AGBL4: variants seen among roughly 807,000 people sequenced by gnomAD.
AGBL4 encodes AGBL carboxypeptidase 4.
A neutral mutation model predicts 66.4 loss-of-function variants in AGBL4; 58 were observed. The observed-to-expected ratio is 0.87, with a 90% confidence interval of 0.71 to 1.09. The LOEUF is 1.09. Among genes scored for constraint, AGBL4 ranks in the 50% least tolerant of loss-of-function variants. The probability of loss-of-function intolerance (pLI) is 0.00; values close to 1 mark genes in which losing one functional copy is unlikely to be tolerated. For missense variants in AGBL4, 579 were observed against 631.0 expected (o/e 0.92, Z 0.88); for synonymous variants, 234 against 222.9 (o/e 1.05, Z -0.44).
chr1:48,561,952 T>G (rs1472424621), intron 11 of AGBL4, among the ~76,000 whole-genome samples: 2 of 152,184 alleles, frequency 1.3e-5, no homozygotes, highest in Non-Finnish European at 2.9e-5. Context: ...ATATAATCTC[T>G]TTACATATAT....
chr1:49,334,412 C>A (rs898116845), intron 3 of AGBL4, among the ~76,000 whole-genome samples: 1 of 152,130 alleles, frequency 6.6e-6, no homozygotes, highest in African/African-American at 2.4e-5. Flanking sequence ...CATGACACTT[C>A]AAGAAATCAT....
At chr1:48,887,403 C>A (rs185784850) in intron 5 of AGBL4, among the ~76,000 whole-genome samples, 3 of 152,150 alleles carry the variant, frequency 2.0e-5, no homozygotes, top group Non-Finnish European at 2.9e-5. Context: ...TGAGAATAGG[C>A]TCAGTGCAGT....
At chr1:48,936,161 A>C (rs889313671) in intron 5 of AGBL4, among the ~76,000 whole-genome samples, 3 of 151,034 alleles carry the variant, frequency 2.0e-5, no homozygotes, top group Admixed American at 6.6e-5. Context: ...ATGGTGGTGC[A>C]TGCCTGTAGT....
At chr1:49,302,888 C>G (rs1020097830) in intron 3 of AGBL4, among the ~76,000 whole-genome samples, 2 of 151,932 alleles carry the variant, frequency 1.3e-5, no homozygotes, top group African/African-American at 4.8e-5. Flanking sequence ...TTGTTCAGCT[C>G]TCACTTATAA....
intron 4 of AGBL4, among the ~76,000 whole-genome samples, chr1:49,147,291 C>G (rs996683677): frequency 3.9e-5 from 6 of 152,114 alleles, no homozygotes; most frequent in Non-Finnish European, 5.9e-5. Flanking sequence ...CAGATTTAAA[C>G]CCAGAGCTCT....
Position 49,434,435 on chromosome 1 carries a change from C to CACTCA in AGBL4, c.283-188576_283-188572dup, listed in dbSNP as rs529579164. On this transcript the variant is annotated intron_variant, in intron 3 of 13. Coordinates refer to ENST00000371839, the MANE Select transcript of AGBL4 (RefSeq NM_032785.4). ...TACTTTTGTTCTGGGACAAAAAAGC[C>CACTCA]ACTCAAATGGGCCTTTTGGTTAGGC... Among the ~76,000 whole-genome samples the CACTCA allele has an allele frequency of 3.3e-4, 50 of 152,170 alleles. 1 individual carries two copies. The South Asian group carries it at 9.8e-3, about 30-fold the overall frequency.
chr1:49,354,182 A>G (rs1035916611), intron 3 of AGBL4, among the ~76,000 whole-genome samples: 7 of 152,172 alleles, frequency 4.6e-5, no homozygotes, highest in African/African-American at 1.4e-4. Flanking sequence ...GTACCTGCCC[A>G]TCTGTGGGCT....
chr1:49,515,580 C>T (rs1268858901), intron 3 of AGBL4, among the ~76,000 whole-genome samples: 1 of 151,820 alleles, frequency 6.6e-6, no homozygotes, highest in Non-Finnish European at 1.5e-5. Flanking sequence ...TATAAAGACA[C>T]ATGCACACAT....
At chr1:48,605,685 A>T (rs902483508) in intron 9 of AGBL4, among the ~76,000 whole-genome samples, 4 of 152,216 alleles carry the variant, frequency 2.6e-5, no homozygotes, top group African/African-American at 9.6e-5. Flanking sequence ...TGTCTGGCAC[A>T]TAGTAGGTGC....
intron 2 of AGBL4, among the ~76,000 whole-genome samples, chr1:49,840,057 T>C (rs983496651): frequency 2.6e-4 from 39 of 152,114 alleles, no homozygotes; most frequent in African/African-American, 8.9e-4. Flanking sequence ...AGTGTGGACA[T>C]AGGTACATTT....
intron 9 of AGBL4, among the ~76,000 whole-genome samples, chr1:48,616,846 C>A (rs1055306015): frequency 1.6e-4 from 24 of 152,230 alleles, no homozygotes; most frequent in African/African-American, 5.5e-4. Context: ...GCAGGATAAA[C>A]AGCTCCTCTA....
chr1:49,453,873 G>A (rs1646332840), intron 3 of AGBL4, among the ~76,000 whole-genome samples: 2 of 151,744 alleles, frequency 1.3e-5, no homozygotes, highest in South Asian at 2.1e-4. Flanking sequence ...CTAAGCAAGA[G>A]GCCAAGTGTC....
At chr1:49,450,464 A>G (rs2148681238) in intron 3 of AGBL4, among the ~76,000 whole-genome samples, 1 of 152,220 alleles carries the variant, frequency 6.6e-6, no homozygotes, top group South Asian at 2.1e-4. Flanking sequence ...AAAGCCTTGC[A>G]CAAGTGGCTA....
chr1:48,689,561 G>C (rs1646595832), intron 6 of AGBL4, among the ~76,000 whole-genome samples: 1 of 151,890 alleles, frequency 6.6e-6, no homozygotes, highest in Non-Finnish European at 1.5e-5. Context: ...AGGCACTAGG[G>C]CTGGGGTAAT....
chr1:49,119,176 G>T (rs1645598623), intron 4 of AGBL4, among the ~76,000 whole-genome samples: 1 of 152,060 alleles, frequency 6.6e-6, no homozygotes, highest in Non-Finnish European at 1.5e-5. Context: ...TTTTTGAAGG[G>T]TTTTTCGTGT....
At chr1:48,741,956 C>T (rs1649980569) in intron 6 of AGBL4, among the ~76,000 whole-genome samples, 1 of 152,220 alleles carries the variant, frequency 6.6e-6, no homozygotes, top group Non-Finnish European at 1.5e-5. Flanking sequence ...GCTGGTATAT[C>T]ATCATGTGAC....
At chr1:49,513,203 A>G (rs1472468940) in intron 3 of AGBL4, among the ~76,000 whole-genome samples, 4 of 152,010 alleles carry the variant, frequency 2.6e-5, no homozygotes, top group Admixed American at 2.6e-4. Context: ...CAGAATGAAT[A>G]TTTCTCCTTA....
chr1:48,956,757 C>T (rs1010656509), intron 5 of AGBL4, among the ~76,000 whole-genome samples: 2 of 152,092 alleles, frequency 1.3e-5, no homozygotes, highest in Non-Finnish European at 2.9e-5. Context: ...AAAGAACTTG[C>T]TGACTAGAAT....
chr1:48,688,702 G>T (rs1646572819), intron 6 of AGBL4, among the ~76,000 whole-genome samples: 1 of 152,152 alleles, frequency 6.6e-6, no homozygotes, highest in African/African-American at 2.4e-5. Flanking sequence ...ATTAAGGAAG[G>T]CCTCCCAGCT....
Sources: gnomAD v4.1 joint callset for allele counts (sites outside exome capture counted in the v4.1 genomes callset) on GRCh38, gnomAD v4.1.1 for gene constraint, MANE v1.5 for transcripts, NCBI Gene and HGNC (gene_info 2026-07-23, HGNC 2026-07-21) for gene names.